Variants in PFKFB3 observed in about 807,000 individuals in gnomAD.
PFKFB3 encodes 6-phosphofructo-2-kinase/fructose-2,6-bisphosphatase 3.
Under a neutral mutation model 68.0 loss-of-function variants are expected in PFKFB3, and 33 were observed. The ratio of observed to expected loss-of-function variants is 0.49; its 90% confidence interval spans 0.37 to 0.65. The LOEUF (loss-of-function observed/expected upper bound fraction) is 0.65. PFKFB3 is among the 30% of genes least tolerant of loss of function. The pLI is 0.00. For missense variants in PFKFB3, 586 were observed against 712.2 expected (o/e 0.82, Z 2.02); for synonymous variants, 315 against 288.2 (o/e 1.09, Z -0.94).
At chr10:6,300,661 G>C in the PFKFB3 span, among the ~76,000 whole-genome samples, 1 of 152,198 alleles carries the variant, frequency 6.6e-6, no homozygotes, top group Non-Finnish European at 1.5e-5. Context: ...TTTTCATGCT[G>C]CTTTCTTATT....
the PFKFB3 span, among the ~76,000 whole-genome samples, chr10:6,314,902 A>G: frequency 2.6e-5 from 4 of 152,046 alleles, no homozygotes; most frequent in African/African-American, 9.7e-5. Flanking sequence ...CTGCATTTTT[A>G]TCCGTCCCAG....
Position 6,233,953 on chromosome 10 carries a change from C to G in PFKFB3, c.*1011C>G, listed in dbSNP as rs987416952. The G allele has an allele frequency of 2.0e-5, 3 of 152,530 alleles. No homozygotes were observed. Among genetic ancestry groups the G allele is most frequent in the African/African-American group, 7.2e-5 (3 of 41,490 alleles). The allele number at this position is 152,530 out of a possible 1,614,324, so 9.4% of individuals were successfully genotyped here. A position where few individuals can be genotyped will look rare whatever the true frequency, so the allele number is the denominator to read the frequency against. On this transcript the variant is annotated 3_prime_UTR_variant, in exon 15 of 15. Transcript: ENST00000379775. Reference sequence around the variant, plus strand: ...CCAAGCAAGGCCTCACTCGCAGCCACTTCTTCAAGAGCTGCCTGCACACTG... The same window carrying G: ...CCAAGCAAGGCCTCACTCGCAGCCAGTTCTTCAAGAGCTGCCTGCACACTG...
At position 6,203,298 on chromosome 10, in the gene PFKFB3, T is replaced by C. The variant is rs1843458244; in HGVS notation, c.38T>C (p.Ile13Thr). 6.2e-7 allele frequency: 1 copy of C among 1,610,778 alleles called. No homozygotes were observed. Among genetic ancestry groups the C allele is most frequent in the African/African-American group, 1.3e-5 (1 of 74,492 alleles). The change falls in exon 1 of 15, where the codon ATC becomes ACC. Residue 13 changes from isoleucine to threonine, a missense_variant. Ile to Thr is a moderately conservative substitution (Grantham distance 89, BLOSUM62 -1). Transcript: ENST00000379775. ...LELTQSRVQK[I>T]WVPVDHRPSL... ...CTGACGCAGAGCCGAGTGCAGAAGA[T>C]CTGGGTGCCCGTGGACCACAGGCCC...
intron 1 of PFKFB3, among the ~76,000 whole-genome samples, chr10:6,186,031 A>G (rs974749954): frequency 1.3e-5 from 2 of 152,140 alleles, no homozygotes; most frequent in East Asian, 3.9e-4. Context: ...GGCCCAGTAG[A>G]ACTACTGGTG....
chr10:6,258,332 G>C (rs1464478975), downstream of PFKFB3, among the ~76,000 whole-genome samples: 2 of 152,192 alleles, frequency 1.3e-5, no homozygotes, highest in African/African-American at 2.4e-5. Context: ...CAGATTTTAT[G>C]AGCAGGTATG....
the PFKFB3 span, among the ~76,000 whole-genome samples, chr10:6,322,974 T>C: frequency 6.6e-6 from 1 of 152,224 alleles, no homozygotes; most frequent in Non-Finnish European, 1.5e-5. Flanking sequence ...CACTGTTGCA[T>C]CCCCAGGACC....
chr10:6,146,163 CT>C, intron 1 of PFKFB3: 1 of 934,398 alleles, frequency 1.1e-6, no homozygotes, highest in Non-Finnish European at 1.3e-6. Flanking sequence ...CTGGCCTCCC[CT>C]GGCACTGGGC....
At chr10:6,176,602 T>A (rs543970889) in intron 1 of PFKFB3, among the ~76,000 whole-genome samples, 4 of 152,182 alleles carry the variant, frequency 2.6e-5, no homozygotes, top group Non-Finnish European at 5.9e-5. Context: ...TCCAGGCTGT[T>A]CTTGAACTCC....
intron 14 of PFKFB3, among the ~76,000 whole-genome samples, chr10:6,247,822 A>G (rs1453229315): frequency 1.3e-5 from 2 of 152,266 alleles, no homozygotes; most frequent in African/African-American, 4.8e-5. Context: ...GTGTCCTATT[A>G]GAATACCTGC....
rs1169834350 is a variant in PFKFB3 at position 6,234,763 on chromosome 10, C to T, written c.*1821C>T. 3.3e-5 allele frequency: 5 copies of T among 152,296 alleles called. No individual in the cohort carries two copies. Among genetic ancestry groups the T allele is most frequent in the Non-Finnish European group, 7.3e-5 (5 of 68,044 alleles). The allele number at this position is 152,296 out of a possible 1,614,324, so 9.4% of individuals were successfully genotyped here. ...AGTTTCTCGTGTCCCCCTCGCAGGC[C>T]TCATTCTTTGAACATCGACTCTGAA... On this transcript the variant is annotated 3_prime_UTR_variant, in exon 15 of 15. Transcript: ENST00000379775.
the PFKFB3 span, chr10:6,293,102 C>A: frequency 2.4e-6 from 1 of 410,966 alleles, no homozygotes; most frequent in African/African-American, 2.1e-5. Flanking sequence ...GAATTTTAAA[C>A]CCTCAGGAAT....
intron 1 of PFKFB3, among the ~76,000 whole-genome samples, chr10:6,191,926 G>A (rs12254905): frequency 0.013 from 2,036 of 152,104 alleles, 23 homozygotes; most frequent in Middle Eastern, 0.034. Context: ...CCTGGTCGCC[G>A]TTCTCTGGGG....
the PFKFB3 span, among the ~76,000 whole-genome samples, chr10:6,325,964 G>C: frequency 6.6e-6 from 1 of 152,170 alleles, no homozygotes; most frequent in Non-Finnish European, 1.5e-5. Context: ...ACTGCTCAGA[G>C]GTGGCTTCAT....
At chr10:6,166,430 C>T (rs1350255197) in intron 1 of PFKFB3, among the ~76,000 whole-genome samples, 1 of 152,122 alleles carries the variant, frequency 6.6e-6, no homozygotes, top group South Asian at 2.1e-4. Context: ...TCCTTCCACT[C>T]AATGCATCTA....
chr10:6,195,088 T>C (rs1438515329), intron 1 of PFKFB3, among the ~76,000 whole-genome samples: 1 of 152,122 alleles, frequency 6.6e-6, no homozygotes, highest in Non-Finnish European at 1.5e-5. Context: ...GTCAGTCTGG[T>C]CTTGAACTCC....
At chr10:6,224,294 G>A in intron 13 of PFKFB3, 81 bp downstream of exon 13, 2 of 1,430,958 alleles carry the variant, frequency 1.4e-6, no homozygotes. Flanking sequence ...GAGGCCCCGG[G>A]GCCGCTTGCC....
downstream of PFKFB3, among the ~76,000 whole-genome samples, chr10:6,258,618 C>T (rs1846511853): frequency 6.6e-6 from 1 of 152,186 alleles, no homozygotes; most frequent in Non-Finnish European, 1.5e-5. Context: ...TTTAGGCTGT[C>T]TTAGGAAAAC....
rs148777860 is a variant in PFKFB3 at position 6,224,204 on chromosome 10, G to C, written c.1332G>C (p.Glu444Asp). Residue 444 changes from glutamate to aspartate, a missense_variant, in exon 13 of 15, where the codon GAG becomes GAC. Transcript: ENST00000379775. ...TGGAGTCCGTCTGCACACACCGGGA[G>C]AGGTCAGAGGTGAGTGGAGGCCCCA... ...LNVESVCTHR[E>D]RSEDAKKGPN... The C allele has an allele frequency of 1.3e-5, 21 of 1,613,940 alleles. No individual in the cohort carries two copies. The highest frequency in any genetic ancestry group is 1.7e-5 in the Admixed American group (1 of 60,010).
At chr10:6,249,790 AAAT>A (rs1194331808) in intron 14 of PFKFB3, among the ~76,000 whole-genome samples, 4 of 152,084 alleles carry the variant, frequency 2.6e-5, no homozygotes, top group East Asian at 1.9e-4. Flanking sequence ...TGACTATAGA[AAAT>A]AATAATGTAC....
Sources: allele counts gnomAD v4.1 joint callset (sites outside exome capture counted in the v4.1 genomes callset), GRCh38; gene constraint gnomAD v4.1.1; transcripts MANE v1.5; gene names NCBI Gene and HGNC (gene_info 2026-07-23, HGNC 2026-07-21).